F13A1: variants seen among roughly 807,000 people sequenced by gnomAD.
F13A1 encodes the protein FSF, A subunit.
F13A1 carries 47 observed loss-of-function variants against 80.1 expected under a neutral mutation model. The observed-to-expected ratio is 0.59, with a 90% confidence interval of 0.46 to 0.75. The LOEUF is 0.75. Among genes scored for constraint, F13A1 ranks in the 30% least tolerant of loss-of-function variants. F13A1 has a pLI of 0.00. For missense variants in F13A1, 817 were observed against 930.4 expected, an observed-to-expected ratio of 0.88 and a Z score of 1.59; for synonymous variants, 349 against 344.9, an observed-to-expected ratio of 1.01 and a Z score of -0.13.
chr6:6,187,580 T>C (rs1380293580), intron 10 of F13A1, among the ~76,000 whole-genome samples: 2 of 117,086 alleles, frequency 1.7e-5, no homozygotes, highest in African/African-American at 6.9e-5. Flanking sequence ...GCCCACTTGA[T>C]CATGGTGAAT....
chr6:6,258,099 G>T (rs60520420), intron 4 of F13A1, among the ~76,000 whole-genome samples: 1,549 of 151,312 alleles, frequency 0.01, 28 homozygotes, highest in African/African-American at 0.035. Context: ...CCATCTATTG[G>T]TTTTTTTTCT....
At chr6:6,204,572 G>A (rs1457789548) in intron 8 of F13A1, among the ~76,000 whole-genome samples, 1 of 152,220 alleles carries the variant, frequency 6.6e-6, no homozygotes, top group Non-Finnish European at 1.5e-5. Context: ...GGATTATTAA[G>A]CTCTGGCCAT....
intron 9 of F13A1, among the ~76,000 whole-genome samples, chr6:6,196,731 T>C (rs1370454310): frequency 6.6e-6 from 1 of 152,172 alleles, no homozygotes; most frequent in Non-Finnish European, 1.5e-5. Context: ...CTTAGCATAG[T>C]TGGCAAGTTA....
chr6:6,183,448 G>C (rs1033167607), intron 10 of F13A1, among the ~76,000 whole-genome samples: 3 of 152,224 alleles, frequency 2.0e-5, no homozygotes, highest in Non-Finnish European at 4.4e-5. Flanking sequence ...TGCCATTAGA[G>C]AGTTTATGCT....
chr6:6,212,070 A>G (rs995750837), intron 8 of F13A1, among the ~76,000 whole-genome samples: 6 of 152,232 alleles, frequency 3.9e-5, no homozygotes, highest in Non-Finnish European at 8.8e-5. Flanking sequence ...GCAGTCTGAG[A>G]TCAAACAGCA....
intron 10 of F13A1, among the ~76,000 whole-genome samples, chr6:6,190,759 G>A (rs1378255690): frequency 3.3e-5 from 5 of 152,080 alleles, no homozygotes; most frequent in African/African-American, 7.2e-5. Context: ...CACCCAGTTC[G>A]AGCTTCCTGG....
chr6:6,280,178 C>T (rs1758041214), intron 3 of F13A1, among the ~76,000 whole-genome samples: 1 of 152,074 alleles, frequency 6.6e-6, no homozygotes, highest in South Asian at 2.1e-4. Context: ...CAGATGTTTA[C>T]TAGTGCTTAT....
intron 8 of F13A1, among the ~76,000 whole-genome samples, chr6:6,209,336 AAAAC>A (rs1761554981): frequency 1.3e-5 from 2 of 151,830 alleles, no homozygotes; most frequent in Admixed American, 1.3e-4. Context: ...AAAAAAAAAA[AAAAC>A]AGAAAATAAA....
At chr6:6,207,047 T>A (rs1461014579) in intron 8 of F13A1, among the ~76,000 whole-genome samples, 1 of 152,008 alleles carries the variant, frequency 6.6e-6, no homozygotes, top group Non-Finnish European at 1.5e-5. Context: ...TCCAGAACTC[T>A]GGAAGTGAAG....
intron 4 of F13A1, among the ~76,000 whole-genome samples, chr6:6,251,293 T>A (rs963065039): frequency 6.6e-6 from 1 of 152,234 alleles, no homozygotes; most frequent in South Asian, 2.1e-4. Context: ...AATTAAAATA[T>A]AATTTCCAAC....
At chr6:6,163,802 T>C (rs545775734) in intron 13 of F13A1, among the ~76,000 whole-genome samples, 2 of 152,342 alleles carry the variant, frequency 1.3e-5, no homozygotes, top group African/African-American at 4.8e-5. Context: ...TATGATAGAA[T>C]GATTTATATT....
intron 8 of F13A1, among the ~76,000 whole-genome samples, chr6:6,216,967 A>T (rs976387773): frequency 1.3e-5 from 2 of 151,058 alleles, no homozygotes; most frequent in African/African-American, 4.9e-5. Context: ...GCAAAACAAA[A>T]CCACAATGAG....
intron 14 of F13A1, among the ~76,000 whole-genome samples, chr6:6,151,036 G>T (rs1481993704): frequency 2.0e-5 from 3 of 152,208 alleles, no homozygotes; most frequent in African/African-American, 7.2e-5. Flanking sequence ...AGGATCATTG[G>T]CAGGATCAAA....
intron 12 of F13A1, among the ~76,000 whole-genome samples, chr6:6,169,841 T>C (rs1440911170): frequency 6.6e-6 from 1 of 152,214 alleles, no homozygotes; most frequent in Non-Finnish European, 1.5e-5. Flanking sequence ...TATTGGCCTA[T>C]TTTGGGCAAG....
Position 6,266,196 on chromosome 6 carries a change from C to G in F13A1, c.571+362G>C, listed in dbSNP as rs1214906686. Among the ~76,000 whole-genome samples, 106 of 152,078 alleles carry G rather than the reference C, an allele frequency of 7.0e-4. 1 individual carries two copies. The highest frequency in any genetic ancestry group is 8.8e-5 in the Non-Finnish European group (6 of 68,000). ...ATGTATTTAGAATAATCTTACTACC[C>G]CTTCAAAAAGAGATGTATTGGAAAT... is the stretch of plus-strand genomic sequence containing the variant. On this transcript the variant is annotated intron_variant, in intron 4 of 14. Transcript: ENST00000264870.
chr6:6,286,770 A>C (rs1758145877), intron 3 of F13A1, among the ~76,000 whole-genome samples: 1 of 152,216 alleles, frequency 6.6e-6, no homozygotes, highest in African/African-American at 2.4e-5. Flanking sequence ...AAGAAAGAAG[A>C]GAAAAGATCA....
Position 6,250,472 on chromosome 6 carries a change from C to T in F13A1, c.690+339G>A, listed in dbSNP as rs1432351256. ...GGCACACCCCTTGCAGTATTCTTTGCATCACTTTGAAAATACCTTTCTTTA... is the reference window on the plus strand; with the variant it reads ...GGCACACCCCTTGCAGTATTCTTTGTATCACTTTGAAAATACCTTTCTTTA... On this transcript the variant is annotated intron_variant, in intron 5 of 14. Coordinates refer to ENST00000264870, the MANE Select transcript of F13A1 (RefSeq NM_000129.4). The surrounding 1 kb of genome is among the most constrained non-coding windows in gnomAD (Gnocchi z 4.2). Among the ~76,000 whole-genome samples the T allele has an allele frequency of 2.6e-5, 4 of 151,712 alleles. No homozygotes were observed. The highest frequency in any genetic ancestry group is 4.8e-5 in the African/African-American group (2 of 41,322).
intron 7 of F13A1, 52 bp from the exon 8 acceptor site, chr6:6,222,223 A>T (rs756366914): frequency 6.2e-7 from 1 of 1,611,872 alleles, no homozygotes; most frequent in Admixed American, 1.7e-5. Flanking sequence ...TTTAATAAAC[A>T]CAGAGTGAAA....
At chr6:6,201,165 C>T (rs1261811741) in intron 8 of F13A1, among the ~76,000 whole-genome samples, 24 of 152,150 alleles carry the variant, frequency 1.6e-4, no homozygotes, top group Admixed American at 1.6e-3. Context: ...CAAGGTTAGC[C>T]TGGAACAAGA....
Sources: gnomAD v4.1 joint callset for allele counts (sites outside exome capture counted in the v4.1 genomes callset) on GRCh38, gnomAD v4.1.1 for gene constraint, Gnocchi (gnomAD v3.1) non-coding constraint, MANE v1.5 for transcripts, NCBI Gene and HGNC (gene_info 2026-07-23, HGNC 2026-07-21) for gene names.